LOC400499: variants seen among roughly 807,000 people sequenced by gnomAD.
At chr16:11,482,746 A>C in the LOC400499 span, among the ~76,000 whole-genome samples, 1 of 152,026 alleles carries the variant, frequency 6.6e-6, no homozygotes, top group African/African-American at 2.4e-5. Context: ...AAAAAAACTT[A>C]GCCAGGTGTG....
chr16:11,512,032 T>G, the LOC400499 span, among the ~76,000 whole-genome samples: 1 of 152,074 alleles, frequency 6.6e-6, no homozygotes, highest in African/African-American at 2.4e-5. Flanking sequence ...CTCATGTTTG[T>G]AATCCCAGCA....
At chr16:11,460,825 T>A in the LOC400499 span, 1 of 1,258,936 alleles carries the variant, frequency 7.9e-7, no homozygotes, top group Non-Finnish European at 1.1e-6. Context: ...AGGTATTCAG[T>A]CCTACTCAGA....
chr16:11,463,781 G>A, the LOC400499 span, among the ~76,000 whole-genome samples: 2 of 152,092 alleles, frequency 1.3e-5, no homozygotes. Flanking sequence ...ATATACAGAT[G>A]TGTCTACATA....
At chr16:11,455,144 G>C in the LOC400499 span, among the ~76,000 whole-genome samples, 1 of 152,152 alleles carries the variant, frequency 6.6e-6, no homozygotes, top group East Asian at 1.9e-4. Flanking sequence ...AAAAACAATA[G>C]GTCACCATGA....
At chr16:11,461,559 G>A in the LOC400499 span, among the ~76,000 whole-genome samples, 2 of 152,192 alleles carry the variant, frequency 1.3e-5, no homozygotes, top group East Asian at 1.9e-4. Flanking sequence ...GAACAGGACA[G>A]AAGAGAAAAG....
chr16:11,391,732 G>C, the LOC400499 span: 1 of 1,232,240 alleles, frequency 8.1e-7, no homozygotes. Context: ...GGCAGGTGCT[G>C]GGTCAGTGCC....
chr16:11,459,821 A>G, the LOC400499 span: 5 of 1,244,486 alleles, frequency 4.0e-6, no homozygotes, highest in Non-Finnish European at 1.0e-6. Flanking sequence ...CCAGAGGGCC[A>G]TGTGGGGGTT....
the LOC400499 span, chr16:11,460,369 T>G: frequency 7.7e-7 from 1 of 1,294,792 alleles, no homozygotes. Flanking sequence ...TATGGCTATG[T>G]GATTGTGAGC....
At chr16:11,394,888 A>C in the LOC400499 span, among the ~76,000 whole-genome samples, 2 of 152,190 alleles carry the variant, frequency 1.3e-5, no homozygotes, top group Non-Finnish European at 2.9e-5. Flanking sequence ...GGCCTCTAGA[A>C]CTGTGACACC....
At chr16:11,372,170 T>C in the LOC400499 span, 1 of 152,182 alleles carries the variant, frequency 6.6e-6, no homozygotes, top group Admixed American at 6.5e-5. Flanking sequence ...CCCTGAAGCA[T>C]TCAGTCCCAG....
At chr16:11,426,875 C>T in the LOC400499 span, among the ~76,000 whole-genome samples, 186 of 115,228 alleles carry the variant, frequency 1.6e-3, 4 homozygotes, top group South Asian at 0.023. Flanking sequence ...TCAGTCTGGG[C>T]GACAGAACAA....
chr16:11,398,439 C>T, the LOC400499 span: 8 of 1,232,302 alleles, frequency 6.5e-6, 1 homozygote, highest in South Asian at 2.5e-4. Context: ...CTGACGGGTA[C>T]AAGAGGCCCC....
chr16:11,414,813 T>A, the LOC400499 span, among the ~76,000 whole-genome samples: 1 of 152,178 alleles, frequency 6.6e-6, no homozygotes, highest in Admixed American at 6.5e-5. Context: ...CTGAAGTCCC[T>A]CCCAGTCCTT....
chr16:11,517,787 G>A, the LOC400499 span, among the ~76,000 whole-genome samples: 1 of 152,222 alleles, frequency 6.6e-6, no homozygotes, highest in African/African-American at 2.4e-5. Flanking sequence ...GGACGGGGAA[G>A]TGAAGGGGTG....
chr16:11,385,493 G>T, the LOC400499 span: 1 of 1,036,566 alleles, frequency 9.6e-7, no homozygotes, highest in Non-Finnish European at 1.2e-6. Context: ...TGCCTGCTGG[G>T]TGCCCCGGAT....
At chr16:11,467,000 T>C in the LOC400499 span, among the ~76,000 whole-genome samples, 1 of 151,942 alleles carries the variant, frequency 6.6e-6, no homozygotes, top group African/African-American at 2.4e-5. Flanking sequence ...CTACCCAAAC[T>C]GGAGTGCAGT....
the LOC400499 span, chr16:11,387,086 C>T: frequency 1.5e-5 from 18 of 1,231,976 alleles, no homozygotes; most frequent in Middle Eastern, 3.1e-4. Flanking sequence ...GGGAGGAGGG[C>T]GGCACAGCCC....
the LOC400499 span, among the ~76,000 whole-genome samples, chr16:11,436,275 G>A: frequency 6.6e-6 from 1 of 152,166 alleles, no homozygotes; most frequent in African/African-American, 2.4e-5. Context: ...CACAGAAAAG[G>A]AGGCCCCAGA....
At chr16:11,446,782 G>T in the LOC400499 span, 1 of 1,536,094 alleles carries the variant, frequency 6.5e-7, no homozygotes, top group South Asian at 1.2e-5. Flanking sequence ...CAGGACCATG[G>T]TCTGCAGGGT....
Sources: gnomAD v4.1 joint callset for allele counts (sites outside exome capture counted in the v4.1 genomes callset) on GRCh38, gnomAD v4.1.1 for gene constraint, MANE v1.5 for transcripts.